Variants in CEP78 observed in about 807,000 individuals in gnomAD.
CEP78 encodes the protein centrosomal protein 78.
In CEP78, 76 loss-of-function variants were observed where a neutral mutation model predicts 81.2. The observed-to-expected ratio is 0.94, with a 90% CI of 0.78 to 1.13. CEP78 has a LOEUF of 1.13. Ranked by LOEUF, CEP78 falls within the 50% of genes most tolerant of loss-of-function variation. The pLI, the probability that CEP78 is intolerant of heterozygous loss-of-function variation, is 0.00. For missense variants in CEP78, 918 were observed against 846.8 expected (o/e 1.08, Z -1.04); for synonymous variants, 293 against 301.4 (o/e 0.97, Z 0.29).
Position 78,275,643 on chromosome 9 carries a change from T to G in CEP78, c.*4792T>G, listed in dbSNP as rs559762238. 6.7e-6 allele frequency: 1 copy of G among 148,794 alleles called. No homozygotes were observed. Among genetic ancestry groups the G allele is most frequent in the African/African-American group, 2.5e-5 (1 of 39,944 alleles). The allele number at this position is 148,794 out of a possible 1,614,324, so 9.2% of individuals were successfully genotyped here. On this transcript the variant is annotated 3_prime_UTR_variant, in exon 17 of 17. Coordinates refer to ENST00000643273, the MANE Select transcript of CEP78 (RefSeq NM_001330691.3). ...AAAAAAAATACAGTTAGAAAAACTT[T>G]AAAGGGGCCAGGTGTGGTGGCTCAT...
At position 78,253,234 on chromosome 9, in the gene CEP78, G is replaced by T; in HGVS notation, c.1208G>T (p.Gly403Val). The T allele has an allele frequency of 7.6e-7, 1 of 1,318,296 alleles. No homozygotes were observed. Among genetic ancestry groups the T allele is most frequent in the Non-Finnish European group, 1.1e-6 (1 of 926,262 alleles). 81.7% of individuals were successfully genotyped at this position (1,318,296 alleles called of 1,614,324 possible). A position where few individuals can be genotyped will look rare whatever the true frequency, so the allele number is the denominator to read the frequency against. The change falls in exon 10 of 17, where the codon GGT (glycine) becomes GTT (valine). Residue 403 changes from glycine to valine, a missense_variant and splice_region_variant. Coordinates refer to ENST00000643273, the MANE Select transcript of CEP78 (RefSeq NM_001330691.3). ...TTAATTTATCGATATCTTTTTAGGG[G>T]TTTCCCATTAATCAAAACACGTGAT... ...RTAERAKRHR[G>V]FPLIKTRDIC...
At chr9:78,248,212 G>T in intron 6 of CEP78, 79 bp from the exon 7 acceptor site, 1 of 738,624 alleles carries the variant, frequency 1.4e-6, no homozygotes, top group African/African-American at 1.8e-5. Flanking sequence ...AGCAATAATT[G>T]GTTGGCTTTT....
chr9:78,251,856 C>G, intron 8 of CEP78, 52 bp from the exon 9 acceptor site: 1 of 1,536,302 alleles, frequency 6.5e-7, no homozygotes, highest in Non-Finnish European at 8.9e-7. Context: ...GCCTATTCAT[C>G]TGTAGACCTT....
At chr9:78,261,785 AAGT>A (rs1827287564) in intron 11 of CEP78, among the ~76,000 whole-genome samples, 1 of 152,200 alleles carries the variant, frequency 6.6e-6, no homozygotes, top group African/African-American at 2.4e-5. Flanking sequence ...TATAAATAAT[AAGT>A]AGAGGAATTT....
At chr9:78,248,167 A>G (rs1826584654) in intron 6 of CEP78, 124 bp from the exon 7 acceptor site, 4 of 673,430 alleles carry the variant, frequency 5.9e-6, no homozygotes, top group Non-Finnish European at 1.1e-5. Flanking sequence ...ATTTAATTAC[A>G]TTATGTGGAA....
In CEP78 at chr9:78,236,124, T is replaced by A. The variant is rs1193428813; in HGVS notation, c.-227T>A. On this transcript the variant is annotated 5_prime_UTR_variant, in exon 1 of 17. Transcript: ENST00000643273. ...GACTATGAGGCGGGCGCCAACTGCT[T>A]GGGCCGCAGGGCGGGAGGCAGCGCG... 3.7e-6 allele frequency: 2 copies of A among 539,600 alleles called. No homozygotes were observed. The highest frequency in any genetic ancestry group is 6.5e-6 in the Non-Finnish European group (2 of 308,472). The allele number at this position is 539,600 out of a possible 1,614,324, so 33.4% of individuals were successfully genotyped here. A position where few individuals can be genotyped will look rare whatever the true frequency, so the allele number is the denominator to read the frequency against.
intron 1 of CEP78, among the ~76,000 whole-genome samples, chr9:78,239,271 C>T (rs115003993): frequency 1.3e-4 from 20 of 152,284 alleles, no homozygotes; most frequent in African/African-American, 4.8e-4. Flanking sequence ...GCTAGTTTTG[C>T]TGCCGTTGAG....
At chr9:78,252,901 ATACT>A (rs546131799) in intron 9 of CEP78, among the ~76,000 whole-genome samples, 20 of 152,326 alleles carry the variant, frequency 1.3e-4, no homozygotes, top group Admixed American at 1.2e-3. Flanking sequence ...TCTTCTTGAG[ATACT>A]TACTAATTTC....
In CEP78 at chr9:78,236,155, G is replaced by A. The variant is rs1284345791; in HGVS notation, c.-196G>A. On this transcript the variant is annotated 5_prime_UTR_variant, in exon 1 of 17. It introduces an in-frame stop codon into an upstream open reading frame of the 5' UTR. Coordinates refer to ENST00000643273, the MANE Select transcript of CEP78 (RefSeq NM_001330691.3). ...GCAGGGCGGGAGGCAGCGCGGGAGT[G>A]GGGCGTTGAGGGGCCGGCCTAGCTT... The A allele has an allele frequency of 5.3e-6, 3 of 566,530 alleles. No individual in the cohort carries two copies. The highest frequency in any genetic ancestry group is 2.0e-5 in the African/African-American group (1 of 49,394). The allele number at this position is 566,530 out of a possible 1,614,324, so 35.1% of individuals were successfully genotyped here. A position where few individuals can be genotyped will look rare whatever the true frequency, so the allele number is the denominator to read the frequency against.
chr9:78,272,041 C>G lies in CEP78; in HGVS notation c.*1190C>G, dbSNP rs1012663438. Reference sequence around the variant, plus strand: ...GAAGTGATCTTCCTGCCTCAGCCCCCCTAGTAACTGGGATTACAGGCACAC... The same window carrying G: ...GAAGTGATCTTCCTGCCTCAGCCCCGCTAGTAACTGGGATTACAGGCACAC... On this transcript the variant is annotated 3_prime_UTR_variant, in exon 17 of 17. Transcript: ENST00000643273. The G allele has an allele frequency of 6.6e-6, 1 of 152,378 alleles. No homozygotes were observed. Among genetic ancestry groups the G allele is most frequent in the Non-Finnish European group, 1.5e-5 (1 of 68,128 alleles). 9.4% of individuals were successfully genotyped at this position (152,378 alleles called of 1,614,324 possible). A position where few individuals can be genotyped will look rare whatever the true frequency, so the allele number is the denominator to read the frequency against.
chr9:78,265,807 GATTTTCA>G (rs1563998717), intron 14 of CEP78, 45 bp from the exon 15 acceptor site: 18 of 934,742 alleles, frequency 1.9e-5, no homozygotes, highest in Middle Eastern at 2.1e-4. Flanking sequence ...TTAGAGAAAT[GATTTTCA>G]ATTTTCAATT....
chr9:78,236,965 T>G (rs1825974004), intron 1 of CEP78, among the ~76,000 whole-genome samples: 2 of 135,930 alleles, frequency 1.5e-5, no homozygotes, highest in Admixed American at 8.5e-5. Flanking sequence ...ATGTCAGCCT[T>G]TGTCTTTTTT....
At chr9:78,244,688 C>G (rs972434214) in intron 5 of CEP78, among the ~76,000 whole-genome samples, 1 of 152,130 alleles carries the variant, frequency 6.6e-6, no homozygotes, top group East Asian at 1.9e-4. Flanking sequence ...TATCTTAAAT[C>G]AGTAAGTTTA....
intron 1 of CEP78, among the ~76,000 whole-genome samples, chr9:78,238,495 G>T (rs1826067042): frequency 6.6e-6 from 1 of 152,160 alleles, no homozygotes; most frequent in Non-Finnish European, 1.5e-5. Flanking sequence ...TTTTTAAGTG[G>T]ATATGGACGT....
chr9:78,265,569 G>C (rs370256222), intron 14 of CEP78, 26 bp downstream of exon 14: 5 of 1,532,874 alleles, frequency 3.3e-6, no homozygotes, highest in African/African-American at 1.4e-5. Flanking sequence ...AGAACTTAGT[G>C]ATTCTACAAG....
chr9:78,252,015 C>T lies in CEP78; in HGVS notation c.1177C>T (p.Arg393Cys), dbSNP rs750484511. The change falls in exon 9 of 17, where the codon CGT (arginine) becomes TGT (cysteine). Residue 393 changes from arginine (R) to cysteine (C), a missense_variant. Transcript: ENST00000643273. ...TGGTGTGTCTGGTTTCTTGCCGTGG[C>T]GTACTGCAGAACGTGCAAAAAGACA... ...PPGVSGFLPW[R>C]TAERAKRHRG... 24 of 1,597,694 alleles carry T rather than the reference C, an allele frequency of 1.5e-5. No individual in the cohort carries two copies. Among genetic ancestry groups the T allele is most frequent in the South Asian group, 1.0e-4 (9 of 89,150 alleles).
At chr9:78,246,903 TG>T in intron 6 of CEP78, 121 bp downstream of exon 6, 2 of 550,120 alleles carry the variant, frequency 3.6e-6, no homozygotes, top group Non-Finnish European at 3.2e-6. Context: ...TTTGTAATCT[TG>T]CACTTTCTTA....
intron 1 of CEP78, among the ~76,000 whole-genome samples, chr9:78,239,143 T>C (rs988700081): frequency 3.3e-5 from 5 of 152,060 alleles, no homozygotes; most frequent in African/African-American, 1.2e-4. Flanking sequence ...TCAGATATTC[T>C]TCACTGAACC....
At position 78,276,137 on chromosome 9, in the gene CEP78, A is replaced by G. The variant is rs1827798994; in HGVS notation, c.*5286A>G. On this transcript the variant is annotated 3_prime_UTR_variant, in exon 17 of 17. Transcript: ENST00000643273. ...TGTAGGTGCAAAAAATCCAAAATAAAACTAGCAGTTTGAATTCAGCATTGT... is the reference window on the plus strand; with the variant it reads ...TGTAGGTGCAAAAAATCCAAAATAAGACTAGCAGTTTGAATTCAGCATTGT... 1 of 152,228 alleles carries G rather than the reference A, an allele frequency of 6.6e-6. No homozygotes were observed. Among genetic ancestry groups the G allele is most frequent in the African/African-American group, 2.4e-5 (1 of 41,460 alleles). 9.4% of individuals were successfully genotyped at this position (152,228 alleles called of 1,614,324 possible).
Sources: allele counts gnomAD v4.1 joint callset (sites outside exome capture counted in the v4.1 genomes callset), GRCh38; gene constraint gnomAD v4.1.1; transcripts MANE v1.5; gene names NCBI Gene and HGNC (gene_info 2026-07-23, HGNC 2026-07-21).